Variants in SPAG16 observed in about 807,000 individuals in gnomAD.
SPAG16 encodes sperm associated antigen 16.
Under a neutral mutation model 80.4 loss-of-function variants are expected in SPAG16, and 86 were observed. The observed-to-expected ratio is 1.07, with a 90% confidence interval of 0.90 to 1.28. The LOEUF (loss-of-function observed/expected upper bound fraction) is 1.28. Among genes scored for constraint, SPAG16 ranks in the 50% most tolerant of loss-of-function variants. The pLI is 0.00. For synonymous variants in SPAG16, 294 were observed against 265.9 expected, an observed-to-expected ratio of 1.11 and a Z score of -1.03; for missense variants, 870 against 765.3, an observed-to-expected ratio of 1.14 and a Z score of -1.61.
At chr2:213,485,259 G>A (rs2073929425) in intron 9 of SPAG16, among the ~76,000 whole-genome samples, 1 of 152,114 alleles carries the variant, frequency 6.6e-6, no homozygotes. Flanking sequence ...CTACCAAAAT[G>A]TTAGGATTAC....
At chr2:213,609,955 C>T (rs1432136783) in intron 10 of SPAG16, among the ~76,000 whole-genome samples, 2 of 152,044 alleles carry the variant, frequency 1.3e-5, no homozygotes, top group Non-Finnish European at 2.9e-5. Context: ...AAGCAGCCTT[C>T]AATTAGGGAT....
intron 10 of SPAG16, among the ~76,000 whole-genome samples, chr2:213,573,699 C>G (rs985934813): frequency 6.6e-6 from 1 of 152,006 alleles, no homozygotes; most frequent in African/African-American, 2.4e-5. Flanking sequence ...ATGATTTCTT[C>G]TACTATTTTT....
chr2:214,162,184 A>C (rs1576384418), intron 15 of SPAG16, among the ~76,000 whole-genome samples: 1 of 152,146 alleles, frequency 6.6e-6, no homozygotes, highest in Non-Finnish European at 1.5e-5. Flanking sequence ...TCCTGGGCTC[A>C]GCCTAATGCC....
At chr2:213,882,507 T>C (rs2076383087) in intron 11 of SPAG16, among the ~76,000 whole-genome samples, 1 of 152,224 alleles carries the variant, frequency 6.6e-6, no homozygotes, top group South Asian at 2.1e-4. Context: ...TATTCAGGAT[T>C]TTAATCTGTT....
At position 213,979,313 on chromosome 2, in the gene SPAG16, G is replaced by A. The variant is rs2045575401; in HGVS notation, c.1401-34638G>A. Among the ~76,000 whole-genome samples the A allele has an allele frequency of 3.3e-5, 5 of 152,014 alleles. No homozygotes were observed. The South Asian group carries it at 1.0e-3, about 32-fold the overall frequency. On this transcript the variant is annotated intron_variant, in intron 12 of 15. Transcript: ENST00000331683. ...TTATAATTCAGGAATGTTTGTCTCA[G>A]GGAAATTAAGACTCTTATCCAAGAC...
chr2:213,610,333 C>G (rs1326156902), intron 10 of SPAG16, among the ~76,000 whole-genome samples: 2 of 152,066 alleles, frequency 1.3e-5, no homozygotes, highest in African/African-American at 2.4e-5. Flanking sequence ...TCTCTAAGGT[C>G]TTCCCTTTTC....
chr2:213,929,010 T>C (rs1313212368), intron 11 of SPAG16, among the ~76,000 whole-genome samples: 65 of 132,674 alleles, frequency 4.9e-4, no homozygotes, highest in African/African-American at 1.4e-3. Context: ...CTTTTTTTTT[T>C]TTTTTTTTTT....
chr2:214,300,758 C>T (rs554383008), intron 15 of SPAG16, among the ~76,000 whole-genome samples: 1 of 151,792 alleles, frequency 6.6e-6, no homozygotes, highest in African/African-American at 2.4e-5. Flanking sequence ...TGCAATTAAA[C>T]CATTAATTCA....
chr2:213,672,334 TC>T (rs1363550897), intron 10 of SPAG16, among the ~76,000 whole-genome samples: 1 of 152,148 alleles, frequency 6.6e-6, no homozygotes, highest in African/African-American at 2.4e-5. Context: ...AGCTCTTTTT[TC>T]TTCTTTTCCT....
chr2:213,688,090 G>A (rs1366107503), intron 10 of SPAG16, among the ~76,000 whole-genome samples: 1 of 152,166 alleles, frequency 6.6e-6, no homozygotes, highest in Non-Finnish European at 1.5e-5. Context: ...GAAAGGTGGG[G>A]CAGTTTGAAC....
intron 13 of SPAG16, among the ~76,000 whole-genome samples, chr2:214,075,081 T>A (rs1258906405): frequency 6.6e-6 from 1 of 152,008 alleles, no homozygotes; most frequent in East Asian, 1.9e-4. Flanking sequence ...AATTTTATAA[T>A]CTTTTAAACA....
intron 15 of SPAG16, among the ~76,000 whole-genome samples, chr2:214,167,947 T>TC: frequency 6.6e-6 from 1 of 151,410 alleles, no homozygotes; most frequent in East Asian, 1.9e-4. Context: ...CCTTAATTTT[T>TC]CTTTTCTTTT....
chr2:213,977,480 T>C (rs1166410108), intron 12 of SPAG16, among the ~76,000 whole-genome samples: 2 of 151,998 alleles, frequency 1.3e-5, no homozygotes, highest in Non-Finnish European at 2.9e-5. Context: ...AGGATAATAG[T>C]TGTAGACATT....
intron 10 of SPAG16, among the ~76,000 whole-genome samples, chr2:213,707,596 A>T (rs1233479362): frequency 6.6e-6 from 1 of 152,154 alleles, no homozygotes; most frequent in Non-Finnish European, 1.5e-5. Context: ...GGTGCTCTGC[A>T]TATATGTGTG....
At chr2:214,133,998 C>T (rs2054918144) in intron 14 of SPAG16, among the ~76,000 whole-genome samples, 1 of 152,048 alleles carries the variant, frequency 6.6e-6, no homozygotes, top group Non-Finnish European at 1.5e-5. Context: ...AAATAAAGAC[C>T]TGGAATTTAA....
intron 12 of SPAG16, among the ~76,000 whole-genome samples, chr2:214,005,057 T>C (rs1232239615): frequency 6.6e-6 from 1 of 152,210 alleles, no homozygotes; most frequent in East Asian, 1.9e-4. Flanking sequence ...TGTTGAGTTA[T>C]AAAGCTGTTT....
intron 10 of SPAG16, among the ~76,000 whole-genome samples, chr2:213,627,456 A>G (rs370247612): frequency 9.2e-5 from 14 of 152,304 alleles, no homozygotes; most frequent in African/African-American, 3.4e-4. Context: ...AATACTCACC[A>G]TTTAAGCCAC....
chr2:213,963,527 A>G (rs533075906), intron 12 of SPAG16, among the ~76,000 whole-genome samples: 9 of 152,246 alleles, frequency 5.9e-5, no homozygotes, highest in African/African-American at 1.9e-4. Flanking sequence ...GGAGTCTTCT[A>G]TAGATATGTT....
chr2:214,148,071 C>G (rs545068513), intron 14 of SPAG16, among the ~76,000 whole-genome samples: 2 of 152,174 alleles, frequency 1.3e-5, no homozygotes, highest in South Asian at 4.1e-4. Context: ...GAAAGGGAAA[C>G]TGTACATCAA....
Sources: allele counts gnomAD v4.1 joint callset (sites outside exome capture counted in the v4.1 genomes callset), GRCh38; gene constraint gnomAD v4.1.1; transcripts MANE v1.5; gene names NCBI Gene and HGNC (gene_info 2026-07-23, HGNC 2026-07-21).